SNX29: variants seen among roughly 807,000 people sequenced by gnomAD.
SNX29 encodes the protein sorting nexin 29, also known as sorting nexin-29.
A neutral mutation model predicts 102.1 loss-of-function variants in SNX29; 78 were observed. The ratio of observed to expected loss-of-function variants is 0.76; its 90% CI spans 0.64 to 0.92. The LOEUF is 0.92. Ranked by LOEUF, SNX29 falls within the 40% of genes least tolerant of loss-of-function variation. The pLI, the probability that SNX29 is intolerant of heterozygous loss-of-function variation, is 0.00. For synonymous variants in SNX29, 580 were observed against 414.5 expected (o/e 1.40, Z -4.85); for missense variants, 1,280 against 1,061.7 (o/e 1.21, Z -2.86).
At chr16:12,467,232 C>A (rs1488617722) in intron 18 of SNX29, among the ~76,000 whole-genome samples, 1 of 152,168 alleles carries the variant, frequency 6.6e-6, no homozygotes, top group African/African-American at 2.4e-5. Context: ...GGTCCATGGC[C>A]AGTAGTGCTA....
At chr16:12,322,670 G>T (rs1188704297) in intron 15 of SNX29, among the ~76,000 whole-genome samples, 2 of 152,054 alleles carry the variant, frequency 1.3e-5, no homozygotes, top group African/African-American at 4.8e-5. Context: ...AGTCACTGGG[G>T]ACTACCATTA....
chr16:12,541,518 C>T (rs145454028), intron 20 of SNX29, among the ~76,000 whole-genome samples: 1 of 152,146 alleles, frequency 6.6e-6, no homozygotes, highest in Non-Finnish European at 1.5e-5. Flanking sequence ...CAAGTCATAA[C>T]CATTTCAGCA....
chr16:12,445,425 G>A (rs1034739375), intron 18 of SNX29, among the ~76,000 whole-genome samples: 9 of 152,158 alleles, frequency 5.9e-5, no homozygotes, highest in African/African-American at 2.2e-4. Flanking sequence ...CAACTCTCCT[G>A]TGTGCATCTC....
chr16:12,414,193 C>T (rs115201058), intron 18 of SNX29, among the ~76,000 whole-genome samples: 2,009 of 152,102 alleles, frequency 0.013, 45 homozygotes, highest in African/African-American at 0.045. Context: ...CCCACTGATA[C>T]GGAGGGCTGA....
chr16:12,420,567 A>G (rs541529615), intron 18 of SNX29, among the ~76,000 whole-genome samples: 61 of 152,218 alleles, frequency 4.0e-4, no homozygotes, highest in Non-Finnish European at 6.8e-4. Flanking sequence ...CTGAAACCCG[A>G]GTTCACACCT....
At chr16:12,018,556 C>T (rs2056918749) in intron 3 of SNX29, among the ~76,000 whole-genome samples, 1 of 150,512 alleles carries the variant, frequency 6.6e-6, no homozygotes, top group Non-Finnish European at 1.5e-5. Context: ...GCACTTCAGC[C>T]TGGGTGACAG....
At chr16:12,156,128 C>T (rs906635435) in intron 13 of SNX29, among the ~76,000 whole-genome samples, 1 of 152,260 alleles carries the variant, frequency 6.6e-6, no homozygotes, top group Non-Finnish European at 1.5e-5. Flanking sequence ...CCAAGACCCT[C>T]TTCCCCCAGA....
intron 16 of SNX29, among the ~76,000 whole-genome samples, chr16:12,393,032 G>T (rs1044639646): frequency 6.6e-6 from 1 of 152,212 alleles, no homozygotes; most frequent in African/African-American, 2.4e-5. Context: ...TGGTGGGATG[G>T]AAAACAGTTG....
chr16:12,563,366 G>A (rs997221731), intron 20 of SNX29, among the ~76,000 whole-genome samples: 28 of 152,150 alleles, frequency 1.8e-4, no homozygotes, highest in African/African-American at 6.5e-4. Context: ...GTCTTTTATC[G>A]CCACGTTGAT....
intron 15 of SNX29, among the ~76,000 whole-genome samples, chr16:12,349,627 A>G (rs1187110888): frequency 9.3e-4 from 142 of 152,332 alleles, no homozygotes; most frequent in Admixed American, 9.3e-3. Flanking sequence ...CAAAAAATTC[A>G]AAATCCAAAA....
At chr16:12,053,193 G>C (rs1224226955) in intron 8 of SNX29, 1 of 151,544 alleles carries the variant, frequency 6.6e-6, no homozygotes, top group Non-Finnish European at 1.5e-5. Context: ...TACTTGGGAT[G>C]CTGAGGCAGG....
At chr16:12,420,137 G>C (rs1316640183) in intron 18 of SNX29, among the ~76,000 whole-genome samples, 1 of 152,214 alleles carries the variant, frequency 6.6e-6, no homozygotes, top group Non-Finnish European at 1.5e-5. Flanking sequence ...CCCAGCAGCA[G>C]CCACATCCAC....
At chr16:12,377,205 G>C (rs2082906761) in intron 16 of SNX29, among the ~76,000 whole-genome samples, 1 of 152,194 alleles carries the variant, frequency 6.6e-6, no homozygotes, top group Non-Finnish European at 1.5e-5. Flanking sequence ...GTAAAACAGG[G>C]TGTAGTATAT....
chr16:12,560,182 AC>A (rs2078642344), intron 20 of SNX29, among the ~76,000 whole-genome samples: 1 of 131,210 alleles, frequency 7.6e-6, no homozygotes. Flanking sequence ...TTTTTAATTC[AC>A]CATTTAACTT....
intron 18 of SNX29, among the ~76,000 whole-genome samples, chr16:12,476,400 A>C (rs1177660765): frequency 2.6e-4 from 6 of 23,476 alleles, no homozygotes; most frequent in Non-Finnish European, 3.7e-4. Context: ...ATATATATAT[A>C]TATATATATA....
chr16:12,322,673 T>C (rs1383228368), intron 15 of SNX29, among the ~76,000 whole-genome samples: 1 of 151,770 alleles, frequency 6.6e-6, no homozygotes, highest in African/African-American at 2.4e-5. Flanking sequence ...CACTGGGGAC[T>C]ACCATTAGGA....
At chr16:12,563,995 A>C (rs2078879303) in intron 20 of SNX29, among the ~76,000 whole-genome samples, 1 of 152,168 alleles carries the variant, frequency 6.6e-6, no homozygotes, top group African/African-American at 2.4e-5. Flanking sequence ...CTGCCCCTGC[A>C]GCACCCTCTT....
chr16:12,480,686 C>T (rs1280561340), intron 19 of SNX29, among the ~76,000 whole-genome samples: 3 of 152,146 alleles, frequency 2.0e-5, no homozygotes, highest in Non-Finnish European at 4.4e-5. Flanking sequence ...CCTCCTCAAG[C>T]CCCCCAGTTA....
chr16:12,405,559 T>G (rs2084126943), intron 18 of SNX29, among the ~76,000 whole-genome samples: 1 of 152,184 alleles, frequency 6.6e-6, no homozygotes, highest in African/African-American at 2.4e-5. Flanking sequence ...CATGCAATTA[T>G]TTTTCTCTTT....
Sources: gnomAD v4.1 joint callset for allele counts (sites outside exome capture counted in the v4.1 genomes callset) on GRCh38, gnomAD v4.1.1 for gene constraint, MANE v1.5 for transcripts, NCBI Gene and HGNC (gene_info 2026-07-23, HGNC 2026-07-21) for gene names.